Variants in PALM2AKAP2 observed in about 807,000 individuals in gnomAD.
PALM2AKAP2 encodes the protein PALM2-AKAP2 fusion protein.
Under a neutral mutation model 71.5 loss-of-function variants are expected in PALM2AKAP2, and 37 were observed. That is an observed-to-expected ratio of 0.52 (90% CI 0.40 to 0.68). PALM2AKAP2 has a LOEUF of 0.68. PALM2AKAP2 is among the 30% of genes least tolerant of loss of function. The pLI, the probability that PALM2AKAP2 is intolerant of heterozygous loss-of-function variation, is 0.00. For missense variants in PALM2AKAP2, 1,224 were observed against 1,191.8 expected, an observed-to-expected ratio of 1.03 and a Z score of -0.40; for synonymous variants, 468 against 478.8, an observed-to-expected ratio of 0.98 and a Z score of 0.29.
chr9:110,009,168 G>A (rs188104242), intron 6 of PALM2AKAP2, among the ~76,000 whole-genome samples: 1 of 152,134 alleles, frequency 6.6e-6, no homozygotes, highest in Non-Finnish European at 1.5e-5. Flanking sequence ...CTGTTTTCAC[G>A]TGGTGGTGCC....
rs1405418318 is a variant in PALM2AKAP2, at chr9:110,065,465, G to A, written c.156+16610G>A. 7.2e-5 allele frequency among the ~76,000 whole-genome samples: 11 copies of A among 152,120 alleles called. No individual in the cohort carries two copies. In the East Asian group the frequency reaches 7.7e-4, roughly 11 times the overall value. Reference sequence around the variant, plus strand: ...TGGTCTCAAACTCCTGAGCTCCAGCGATCCTCCCACCTTGGTGTCCCAGAG... The same window carrying A: ...TGGTCTCAAACTCCTGAGCTCCAGCAATCCTCCCACCTTGGTGTCCCAGAG... On this transcript the variant is annotated intron_variant, in intron 1 of 3. Coordinates refer to ENST00000374525, the Ensembl canonical transcript of PALM2AKAP2.
At chr9:109,949,599 C>T (rs1462149413) in intron 6 of PALM2AKAP2, among the ~76,000 whole-genome samples, 1 of 152,098 alleles carries the variant, frequency 6.6e-6, no homozygotes, top group African/African-American at 2.4e-5. Context: ...AGTCCTATAG[C>T]ACTAGGCCAA....
intron 1 of PALM2AKAP2, among the ~76,000 whole-genome samples, chr9:110,135,164 A>AAAAAAATATATATATAT: frequency 7.7e-5 from 4 of 51,734 alleles, no homozygotes; most frequent in East Asian, 1.3e-3. Context: ...AAAAAAAAAA[A>AAAAAAATATATATATAT]ATATATAAAT....
chr9:109,752,767 A>C (rs1587894602), intron 1 of PALM2AKAP2, among the ~76,000 whole-genome samples: 1 of 152,258 alleles, frequency 6.6e-6, no homozygotes, highest in African/African-American at 2.4e-5. Context: ...TTTTGAAAGG[A>C]TTACTCTGAT....
intron 1 of PALM2AKAP2, among the ~76,000 whole-genome samples, chr9:110,050,199 A>G (rs1833683225): frequency 1.3e-5 from 2 of 152,188 alleles, no homozygotes; most frequent in South Asian, 4.1e-4. Flanking sequence ...TCTGTATTGC[A>G]TCTTGGAATC....
intron 7 of PALM2AKAP2, among the ~76,000 whole-genome samples, chr9:110,022,910 T>A (rs910733812): frequency 1.3e-5 from 2 of 152,150 alleles, no homozygotes; most frequent in African/African-American, 2.4e-5. Flanking sequence ...ACATGAACTC[T>A]TCATTTTTTA....
At chr9:110,164,845 A>C (rs1836694695) in intron 3 of PALM2AKAP2, among the ~76,000 whole-genome samples, 1 of 152,072 alleles carries the variant, frequency 6.6e-6, no homozygotes, top group Non-Finnish European at 1.5e-5. Flanking sequence ...TAAAACTTTA[A>C]ATCAGATCGT....
At chr9:109,800,114 T>C (rs552752798) in intron 1 of PALM2AKAP2, among the ~76,000 whole-genome samples, 1 of 152,308 alleles carries the variant, frequency 6.6e-6, no homozygotes, top group Admixed American at 6.5e-5. Flanking sequence ...TATCACCTGA[T>C]TGTTACCCAG....
chr9:109,840,407 A>G (rs960908412), intron 1 of PALM2AKAP2, among the ~76,000 whole-genome samples: 3 of 152,220 alleles, frequency 2.0e-5, no homozygotes, highest in Non-Finnish European at 1.5e-5. Context: ...TAAAACCATA[A>G]AAAACCCTAG....
intron 1 of PALM2AKAP2, among the ~76,000 whole-genome samples, chr9:110,112,160 A>G (rs1291190760): frequency 1.3e-5 from 2 of 151,944 alleles, no homozygotes; most frequent in Non-Finnish European, 2.9e-5. Context: ...AAGCAGGTAC[A>G]GGTGGGAGAC....
intron 1 of PALM2AKAP2, among the ~76,000 whole-genome samples, chr9:109,839,979 A>T (rs1828607701): frequency 6.6e-6 from 1 of 152,226 alleles, no homozygotes; most frequent in Admixed American, 6.5e-5. Context: ...CCATCAAGCT[A>T]CCAATGACTT....
chr9:109,787,164 G>A (rs936455115), intron 1 of PALM2AKAP2, among the ~76,000 whole-genome samples: 1 of 152,156 alleles, frequency 6.6e-6, no homozygotes, highest in Non-Finnish European at 1.5e-5. Flanking sequence ...CCTTTCCGTT[G>A]GTATCTGTAT....
chr9:110,099,801 A>G (rs76835480), intron 1 of PALM2AKAP2, among the ~76,000 whole-genome samples: 4,109 of 151,994 alleles, frequency 0.027, 180 homozygotes, highest in African/African-American at 0.094. Context: ...CGCTTTTATG[A>G]TGGAGAGGGC....
At chr9:110,031,222 A>G (rs1430154252) in intron 7 of PALM2AKAP2, among the ~76,000 whole-genome samples, 5 of 152,124 alleles carry the variant, frequency 3.3e-5, no homozygotes, top group African/African-American at 1.2e-4. Flanking sequence ...TCCCAGGTTC[A>G]AGTATTTCTT....
At chr9:110,072,964 A>G (rs923285160) in intron 1 of PALM2AKAP2, among the ~76,000 whole-genome samples, 1 of 152,230 alleles carries the variant, frequency 6.6e-6, no homozygotes, top group Non-Finnish European at 1.5e-5. Context: ...GGAAATGGAA[A>G]TCTGAGGCAA....
chr9:109,864,603 A>G (rs867804778), intron 1 of PALM2AKAP2, among the ~76,000 whole-genome samples: 2 of 152,212 alleles, frequency 1.3e-5, no homozygotes, highest in South Asian at 2.1e-4. Context: ...AATCTGGCCC[A>G]CTACCTGTGT....
At chr9:110,061,559 T>A (rs1833965312) in intron 1 of PALM2AKAP2, among the ~76,000 whole-genome samples, 1 of 151,034 alleles carries the variant, frequency 6.6e-6, no homozygotes, top group Admixed American at 6.6e-5. Context: ...ATATGTGGAT[T>A]GTCATATTTA....
chr9:110,154,568 T>C (rs1836401159), intron 2 of PALM2AKAP2, among the ~76,000 whole-genome samples: 1 of 152,188 alleles, frequency 6.6e-6, no homozygotes, highest in Admixed American at 6.5e-5. Flanking sequence ...TTTATAGGGG[T>C]CATTATAGCA....
intron 1 of PALM2AKAP2, among the ~76,000 whole-genome samples, chr9:110,055,939 C>T (rs1253926559): frequency 6.6e-6 from 1 of 152,222 alleles, no homozygotes; most frequent in Non-Finnish European, 1.5e-5. Flanking sequence ...CCTATCCAAA[C>T]TCCATGGCTC....
Sources: allele counts gnomAD v4.1 joint callset (sites outside exome capture counted in the v4.1 genomes callset), GRCh38; gene constraint gnomAD v4.1.1; transcripts MANE v1.5; gene names NCBI Gene and HGNC (gene_info 2026-07-23, HGNC 2026-07-21).